ERC2: variants seen among roughly 807,000 people sequenced by gnomAD.
ERC2 encodes ELKS/RAB6-interacting/CAST family member 2, also known as ERC protein 2.
Under a neutral mutation model 114.8 loss-of-function variants are expected in ERC2, and 42 were observed. The ratio of observed to expected loss-of-function variants is 0.37; its 90% CI spans 0.29 to 0.47. The LOEUF (loss-of-function observed/expected upper bound fraction) is 0.47, where lower values mean the gene tolerates loss of function less well. Among genes scored for constraint, ERC2 ranks in the 20% least tolerant of loss-of-function variants. The probability of loss-of-function intolerance (pLI) is 0.99; values close to 1 mark genes in which losing one functional copy is unlikely to be tolerated. For synonymous variants in ERC2, 454 were observed against 425.5 expected (o/e 1.07, Z -0.82); for missense variants, 939 against 1,150.7 (o/e 0.82, Z 2.66).
intron 17 of ERC2, among the ~76,000 whole-genome samples, chr3:55,513,393 C>T (rs1028313811): frequency 3.3e-5 from 5 of 152,148 alleles, no homozygotes; most frequent in Non-Finnish European, 7.4e-5. Flanking sequence ...AATTTATTTT[C>T]TCCCCCTCTC....
intron 17 of ERC2, among the ~76,000 whole-genome samples, chr3:55,581,592 G>A (rs1342776248): frequency 6.6e-6 from 1 of 152,156 alleles, no homozygotes; most frequent in African/African-American, 2.4e-5. Context: ...AGGGAAAGAA[G>A]CCAAGGTTTC....
intron 7 of ERC2, among the ~76,000 whole-genome samples, chr3:56,045,146 T>C (rs1053879227): frequency 6.6e-6 from 1 of 152,194 alleles, no homozygotes; most frequent in Non-Finnish European, 1.5e-5. Flanking sequence ...TCTTTTTTAG[T>C]TGGCATAAAG....
chr3:55,964,571 T>G (rs764185107), intron 12 of ERC2, among the ~76,000 whole-genome samples: 7 of 152,324 alleles, frequency 4.6e-5, no homozygotes, highest in Non-Finnish European at 1.0e-4. Flanking sequence ...AAAAATAATT[T>G]AAACCAGCAC....
intron 14 of ERC2, among the ~76,000 whole-genome samples, chr3:55,830,109 CACAGAAGAAA>C (rs2060504728): frequency 6.6e-6 from 1 of 152,122 alleles, no homozygotes; most frequent in African/African-American, 2.4e-5. Context: ...AATGACGTTA[CACAGAAGAAA>C]ACAATGACTG....
intron 3 of ERC2, among the ~76,000 whole-genome samples, chr3:56,216,380 C>T (rs2049472794): frequency 6.6e-6 from 1 of 152,182 alleles, no homozygotes; most frequent in Non-Finnish European, 1.5e-5. Context: ...CACAAATAAA[C>T]TAGAAAATCT....
chr3:55,656,238 A>G (rs917994998), intron 17 of ERC2, among the ~76,000 whole-genome samples: 20 of 152,190 alleles, frequency 1.3e-4, no homozygotes, highest in South Asian at 2.1e-4. Flanking sequence ...TCCTGGTCTC[A>G]AGTGATCTTC....
At chr3:55,654,022 C>G (rs911317053) in intron 17 of ERC2, among the ~76,000 whole-genome samples, 4 of 152,192 alleles carry the variant, frequency 2.6e-5, no homozygotes, top group Non-Finnish European at 4.4e-5. Flanking sequence ...TCTTTGCATC[C>G]AAGAAGGCCC....
At chr3:55,960,235 T>C (rs1454962322) in intron 12 of ERC2, among the ~76,000 whole-genome samples, 5 of 152,172 alleles carry the variant, frequency 3.3e-5, no homozygotes, top group Admixed American at 1.3e-4. Flanking sequence ...TCCCAAAGAA[T>C]AAAATTGCAC....
intron 2 of ERC2, among the ~76,000 whole-genome samples, chr3:56,307,712 C>T (rs897945400): frequency 6.6e-6 from 1 of 152,170 alleles, no homozygotes; most frequent in East Asian, 1.9e-4. Flanking sequence ...TCCCCAAATA[C>T]GTTCCCTGAA....
At chr3:55,826,082 G>T (rs546680244) in intron 14 of ERC2, among the ~76,000 whole-genome samples, 1 of 152,086 alleles carries the variant, frequency 6.6e-6, no homozygotes, top group Non-Finnish European at 1.5e-5. Flanking sequence ...TACAAAAACC[G>T]CAGAGCTTCA....
chr3:56,286,839 C>T (rs1038392414), intron 3 of ERC2, among the ~76,000 whole-genome samples: 34 of 152,090 alleles, frequency 2.2e-4, no homozygotes, highest in Middle Eastern at 3.4e-3. Context: ...AATCTAAAAA[C>T]GTAGCAAGTC....
intron 3 of ERC2, among the ~76,000 whole-genome samples, chr3:56,226,653 G>A (rs1292879523): frequency 6.6e-6 from 1 of 152,098 alleles, no homozygotes; most frequent in African/African-American, 2.4e-5. Context: ...GGCACTACGG[G>A]AATGACAAAT....
At chr3:56,237,909 C>CTTCT (rs2051066933) in intron 3 of ERC2, among the ~76,000 whole-genome samples, 1 of 138,204 alleles carries the variant, frequency 7.2e-6, no homozygotes, top group Non-Finnish European at 1.6e-5. Flanking sequence ...TTTTTTTGCA[C>CTTCT]TTTATCAGAA....
Position 56,032,959 on chromosome 3 carries a change from CAGAAAGAAAGAAAGAAAGAGAA to C in ERC2, c.1642-13950_1642-13929del, listed in dbSNP as rs1560056989. On this transcript the variant is annotated intron_variant, in intron 7 of 17. Coordinates refer to ENST00000288221, the MANE Select transcript of ERC2 (RefSeq NM_015576.3). The stretch of plus-strand genomic sequence containing the variant: ...AGAAAGAAAGAAAGAAAGAAAGAAA[CAGAAAGAAAGAAAGAAAGAGAA>C]AGAAAGAAAGAAAGAAAGAAAGAAA... Among the ~76,000 whole-genome samples, 20 of 38,684 alleles carry C rather than the reference CAGAAAGAAAGAAAGAAAGAGAA, an allele frequency of 5.2e-4. 1 individual carries two copies. The highest frequency in any genetic ancestry group is 3.0e-4 in the Non-Finnish European group (6 of 19,970). The allele number at this position is 38,684 out of a possible 152,430, so 25.4% of individuals were successfully genotyped here.
intron 12 of ERC2, among the ~76,000 whole-genome samples, chr3:55,981,425 A>G (rs533964503): frequency 6.6e-6 from 1 of 152,354 alleles, no homozygotes; most frequent in Non-Finnish European, 1.5e-5. Flanking sequence ...AATTATTAGT[A>G]TAACTGATAC....
In ERC2 at chr3:55,619,057, C is replaced by A. The variant is rs548358172; in HGVS notation, c.*39+64737G>T. ...CCCAACAGGTGTCTTCTCCAGGGGA[C>A]CCAGGTGTCTCTCTTTCCTGGAATC... On this transcript the variant is annotated intron_variant, in intron 17 of 17. Coordinates refer to ENST00000288221, the MANE Select transcript of ERC2 (RefSeq NM_015576.3). Among the ~76,000 whole-genome samples, 272 of 152,278 alleles carry A rather than the reference C, an allele frequency of 1.8e-3. 2 individuals carry two copies. Among genetic ancestry groups the A allele is most frequent in the African/African-American group, 6.0e-3 (248 of 41,550 alleles).
At chr3:56,120,342 C>T (rs1456522708) in intron 6 of ERC2, among the ~76,000 whole-genome samples, 4 of 152,078 alleles carry the variant, frequency 2.6e-5, no homozygotes, top group Non-Finnish European at 5.9e-5. Flanking sequence ...TATAAAAACC[C>T]ATGGATTTTA....
intron 1 of ERC2, among the ~76,000 whole-genome samples, chr3:56,450,113 T>C (rs1385609110): frequency 6.6e-6 from 1 of 152,214 alleles, no homozygotes; most frequent in Admixed American, 6.5e-5. Flanking sequence ...AAGGGGAAAG[T>C]CCAGCTTAAT....
chr3:55,978,905 C>G (rs4974115), intron 12 of ERC2, among the ~76,000 whole-genome samples: 66,592 of 152,030 alleles, frequency 0.44, 14,818 homozygotes, highest in Middle Eastern at 0.55. Flanking sequence ...TCCTAGAACA[C>G]TGCTTCTTTA....
Sources: allele counts gnomAD v4.1 joint callset (sites outside exome capture counted in the v4.1 genomes callset), GRCh38; gene constraint gnomAD v4.1.1; transcripts MANE v1.5; gene names NCBI Gene and HGNC (gene_info 2026-07-23, HGNC 2026-07-21).